The following CLHC1 variants were observed in gnomAD, a reference collection of about 807,000 sequenced individuals.
CLHC1 encodes the protein clathrin heavy chain linker domain-containing protein 1.
CLHC1 carries 72 observed loss-of-function variants against 69.5 expected under a neutral mutation model. The observed-to-expected ratio is 1.04, with a 90% CI of 0.86 to 1.26. The LOEUF (loss-of-function observed/expected upper bound fraction) is 1.26. Among genes scored for constraint, CLHC1 ranks in the 50% most tolerant of loss-of-function variants. The pLI, the probability that CLHC1 is intolerant of heterozygous loss-of-function variation, is 0.00. For synonymous variants in CLHC1, 223 were observed against 224.3 expected, an observed-to-expected ratio of 0.99 and a Z score of 0.05; for missense variants, 790 against 679.3, an observed-to-expected ratio of 1.16 and a Z score of -1.81.
At chr2:55,204,187 G>A (rs1266957391) in intron 9 of CLHC1, among the ~76,000 whole-genome samples, 2 of 152,178 alleles carry the variant, frequency 1.3e-5, no homozygotes, top group Non-Finnish European at 2.9e-5. Context: ...GGGAGTTTAA[G>A]GTAGGAGAAT....
intron 9 of CLHC1, among the ~76,000 whole-genome samples, chr2:55,191,471 T>C (rs967872487): frequency 2.6e-5 from 4 of 152,132 alleles, no homozygotes; most frequent in African/African-American, 7.2e-5. Flanking sequence ...TCTGACCTTG[T>C]GATCTGCCCA....
intron 9 of CLHC1, among the ~76,000 whole-genome samples, chr2:55,201,511 G>C (rs892535787): frequency 2.0e-4 from 30 of 152,180 alleles, no homozygotes; most frequent in Non-Finnish European, 3.1e-4. Flanking sequence ...TAATGAGATT[G>C]AAGCTGTAAT....
intron 9 of CLHC1, among the ~76,000 whole-genome samples, chr2:55,192,516 G>C (rs1671030119): frequency 1.3e-5 from 2 of 152,156 alleles, no homozygotes; most frequent in South Asian, 4.1e-4. Flanking sequence ...GAGGACTGAA[G>C]AAGATAAACC....
intron 4 of CLHC1, among the ~76,000 whole-genome samples, chr2:55,215,637 A>G (rs186767920): frequency 3.9e-5 from 6 of 152,282 alleles, no homozygotes; most frequent in Non-Finnish European, 7.3e-5. Context: ...ATAGCCTTTT[A>G]GCATCCTAGC....
chr2:55,220,701 G>C (rs1038400855), intron 3 of CLHC1, among the ~76,000 whole-genome samples: 7 of 152,124 alleles, frequency 4.6e-5, no homozygotes, highest in African/African-American at 1.7e-4. Flanking sequence ...ATTCTGACAA[G>C]TGTTAACACT....
chr2:55,198,525 C>T (rs1389816355), intron 9 of CLHC1, among the ~76,000 whole-genome samples: 1 of 151,944 alleles, frequency 6.6e-6, no homozygotes, highest in Non-Finnish European at 1.5e-5. Context: ...GCAGAGGTTG[C>T]AGTGAGCCGA....
Position 55,175,753 on chromosome 2 carries a change from T to G in CLHC1, c.*37A>C. 6.7e-7 allele frequency: 1 copy of G among 1,484,842 alleles called. No homozygotes were observed. Among genetic ancestry groups the G allele is most frequent in the Non-Finnish European group, 9.4e-7 (1 of 1,068,906 alleles). 92.0% of individuals were successfully genotyped at this position (1,484,842 alleles called of 1,614,324 possible). On this transcript the variant is annotated 3_prime_UTR_variant, in exon 13 of 13. Transcript: ENST00000401408. Reference sequence around the variant, plus strand: ...TTTTTCCCAACCAGCATACATAAGGTGTTGTACAAGCTCCCTCAGCTGGTT... The same window carrying G: ...TTTTTCCCAACCAGCATACATAAGGGGTTGTACAAGCTCCCTCAGCTGGTT...
chr2:55,185,982 A>C (rs981922819), intron 9 of CLHC1, among the ~76,000 whole-genome samples: 3 of 152,232 alleles, frequency 2.0e-5, no homozygotes, highest in African/African-American at 7.2e-5. Flanking sequence ...TTAAGATTTA[A>C]GTAATTTTAA....
At chr2:55,218,422 T>C (rs1161133826) in intron 3 of CLHC1, 1 of 152,594 alleles carries the variant, frequency 6.6e-6, no homozygotes, top group Non-Finnish European at 1.5e-5. Context: ...CCTCCTTATT[T>C]TTCTAACCCA....
intron 4 of CLHC1, among the ~76,000 whole-genome samples, chr2:55,213,658 C>T (rs1415815120): frequency 6.6e-6 from 1 of 152,208 alleles, no homozygotes; most frequent in Non-Finnish European, 1.5e-5. Flanking sequence ...GTATAAACTT[C>T]TCTTAAGCAT....
chr2:55,176,119 A>C (rs996359988), intron 12 of CLHC1, 133 bp from the exon 13 acceptor site: 22 of 723,054 alleles, frequency 3.0e-5, no homozygotes, highest in African/African-American at 2.9e-4. Context: ...CCCTAAGATT[A>C]ATGATATAAC....
At chr2:55,204,127 A>C (rs1326587218) in intron 9 of CLHC1, among the ~76,000 whole-genome samples, 1 of 152,122 alleles carries the variant, frequency 6.6e-6, no homozygotes, top group African/African-American at 2.4e-5. Flanking sequence ...TCTTCTAAAA[A>C]TACAAAATTA....
intron 11 of CLHC1, among the ~76,000 whole-genome samples, chr2:55,179,949 T>C (rs532248649): frequency 6.6e-6 from 1 of 152,100 alleles, no homozygotes; most frequent in South Asian, 2.1e-4. Context: ...GATCAGGAGA[T>C]CAAGACCATC....
chr2:55,202,427 G>A (rs751816675), intron 9 of CLHC1, among the ~76,000 whole-genome samples: 14 of 151,734 alleles, frequency 9.2e-5, no homozygotes, highest in Non-Finnish European at 1.8e-4. Flanking sequence ...CTGGTGGCAG[G>A]TGCCTGTAAT....
At position 55,195,638 on chromosome 2, in the gene CLHC1, C is replaced by T. The variant is rs183201890; in HGVS notation, c.1006+10632G>A. 5.3e-5 allele frequency among the ~76,000 whole-genome samples: 8 copies of T among 152,142 alleles called. No individual in the cohort carries two copies. The East Asian group carries it at 1.4e-3, about 26-fold the overall frequency. On this transcript the variant is annotated intron_variant, in intron 9 of 12. Transcript: ENST00000401408. ...CCAACATGGTGAAACCCCATCTCTA[C>T]TAAAAATACAAAAATTAGCCAGGCA...
chr2:55,191,467 C>A (rs1231545902), intron 9 of CLHC1, among the ~76,000 whole-genome samples: 2 of 152,298 alleles, frequency 1.3e-5, no homozygotes, highest in Non-Finnish European at 1.5e-5. Flanking sequence ...AACTTCTGAC[C>A]TTGTGATCTG....
At chr2:55,212,607 C>T (rs1673115113) in intron 5 of CLHC1, 66 bp downstream of exon 5, 4 of 1,247,268 alleles carry the variant, frequency 3.2e-6, no homozygotes, top group Non-Finnish European at 4.7e-6. Context: ...TATATTAATG[C>T]ATGCCTTAGG....
At chr2:55,206,494 G>C (rs1360694747) in intron 8 of CLHC1, 118 bp from the exon 9 acceptor site, 3 of 660,240 alleles carry the variant, frequency 4.5e-6, no homozygotes, top group African/African-American at 1.8e-5. Context: ...AAAACAAAAA[G>C]GAATTCTAAT....
intron 11 of CLHC1, among the ~76,000 whole-genome samples, chr2:55,179,789 C>T (rs1669740625): frequency 6.6e-6 from 1 of 152,078 alleles, no homozygotes; most frequent in Non-Finnish European, 1.5e-5. Flanking sequence ...GATTACTGTT[C>T]AATTGTGTTT....
Sources: allele counts gnomAD v4.1 joint callset (sites outside exome capture counted in the v4.1 genomes callset), GRCh38; gene constraint gnomAD v4.1.1; transcripts MANE v1.5; gene names NCBI Gene and HGNC (gene_info 2026-07-23, HGNC 2026-07-21).